Variants in SLC17A9 observed in about 807,000 individuals in gnomAD.
The protein encoded by SLC17A9 is voltage-gated purine nucleotide uniporter SLC17A9.
In SLC17A9, 49 loss-of-function variants were observed where a neutral mutation model predicts 55.0. That is an observed-to-expected ratio of 0.89 (90% CI 0.71 to 1.13). The LOEUF is 1.13. SLC17A9 is among the 50% of genes most tolerant of loss of function. SLC17A9 has a pLI of 0.00. For synonymous variants in SLC17A9, 256 were observed against 247.4 expected (o/e 1.03, Z -0.32); for missense variants, 526 against 569.3 (o/e 0.92, Z 0.77).
In SLC17A9 at chr20:62,964,506, G is replaced by A. The variant is rs192332616; in HGVS notation, c.910+191G>A. 3.4e-3 allele frequency among the ~76,000 whole-genome samples: 525 copies of A among 152,286 alleles called. 4 individuals carry two copies. The highest frequency in any genetic ancestry group is 4.2e-3 in the Non-Finnish European group (288 of 68,002). On this transcript the variant is annotated intron_variant, in intron 8 of 12. Coordinates refer to ENST00000370351, the MANE Select transcript of SLC17A9 (RefSeq NM_022082.4). ...ACTGTGGTGGAGGGTCTGGTCTCACGGTGACTGTGGAGCTCACCCCTGGGG... is the reference window on the plus strand; with the variant it reads ...ACTGTGGTGGAGGGTCTGGTCTCACAGTGACTGTGGAGCTCACCCCTGGGG...
chr20:62,963,688 G>T lies in SLC17A9; in HGVS notation c.822+8G>T. 1 of 1,576,576 alleles carries T rather than the reference G, an allele frequency of 6.3e-7. No individual in the cohort carries two copies. The highest frequency in any genetic ancestry group is 1.2e-5 in the South Asian group (1 of 86,144). On this transcript the variant is annotated splice_region_variant and intron_variant, in intron 7 of 12. Transcript: ENST00000370351. ...ACCTTCCCCGACGCCAAGGTGAGTC[G>T]GGGGCTCCCGCAGGGTGAAGGAGCG...
intron 1 of SLC17A9, among the ~76,000 whole-genome samples, chr20:62,954,352 TCC>T (rs2065517508): frequency 6.6e-6 from 1 of 152,164 alleles, no homozygotes; most frequent in Non-Finnish European, 1.5e-5. Context: ...ACCCACACTC[TCC>T]GGTTTGCTGC....
At chr20:62,954,833 G>A (rs182743017) in intron 1 of SLC17A9, among the ~76,000 whole-genome samples, 23 of 151,924 alleles carry the variant, frequency 1.5e-4, no homozygotes, top group Admixed American at 1.2e-3. Flanking sequence ...GCCCTGGAGT[G>A]GCTCTGTGTT....
At chr20:62,961,345 C>T (rs1217739974) in intron 4 of SLC17A9, among the ~76,000 whole-genome samples, 2 of 147,614 alleles carry the variant, frequency 1.4e-5, no homozygotes, top group Admixed American at 1.3e-4. Context: ...GGCGGCTTGT[C>T]CTCAGGGTGG....
intron 7 of SLC17A9, 123 bp from the exon 8 acceptor site, chr20:62,964,104 TG>T: frequency 1.1e-6 from 1 of 929,036 alleles, no homozygotes; most frequent in Non-Finnish European, 1.7e-6. Flanking sequence ...GGAGCAGGGC[TG>T]GCCCTGCCGG....
intron 10 of SLC17A9, 140 bp downstream of exon 10, chr20:62,965,865 C>G (rs959690684): frequency 3.8e-5 from 29 of 756,260 alleles, no homozygotes; most frequent in Non-Finnish European, 6.3e-5. Flanking sequence ...TGGGCAGTGA[C>G]TGCACTGAAG....
At chr20:62,965,031 C>T (rs2065622654) in intron 8 of SLC17A9, 101 bp from the exon 9 acceptor site, 4 of 1,376,704 alleles carry the variant, frequency 2.9e-6, no homozygotes, top group Non-Finnish European at 4.1e-6. Flanking sequence ...CAAGCCTCTT[C>T]CTCCCCTGCT....
At position 62,956,871 on chromosome 20, in the gene SLC17A9, G is replaced by A. The variant is rs749830259; in HGVS notation, c.166G>A (p.Gly56Ser). 23 of 1,613,574 alleles carry A rather than the reference G, an allele frequency of 1.4e-5. No homozygotes were observed. Among genetic ancestry groups the A allele is most frequent in the South Asian group, 6.6e-5 (6 of 91,088 alleles). Residue 56 changes from glycine (G) to serine (S), a missense_variant, in exon 2 of 13, where the codon GGC becomes AGC. By Grantham distance (56) the Gly-to-Ser change is moderately conservative. Transcript: ENST00000370351. ...CACCGTCTCCATGAGCCAGGACTTC[G>A]GCTGGAACAAGAAGGAGGCCGGCAT... The part of the protein sequence containing the change: ...ICTVSMSQDF[G>S]WNKKEAGIVL...
rs1011800404 is a variant in SLC17A9, at chr20:62,958,603, C to T, written c.397+1023C>T. Among the ~76,000 whole-genome samples, 1 of 152,072 alleles carries T rather than the reference C, an allele frequency of 6.6e-6. No homozygotes were observed. Among genetic ancestry groups the T allele is most frequent in the Middle Eastern group, 3.2e-3 (1 of 316 alleles). ...TGTCCTGGGCCATCCAGACCCCCCA[C>T]TCAGGACTCCCCCTACCTTCCTGAG... On this transcript the variant is annotated intron_variant, in intron 3 of 12. Transcript: ENST00000370351. This position sits in a 1 kb window ranked among gnomAD's most constrained non-coding sequence, Gnocchi z 4.1.
chr20:62,963,042 G>T (rs919561617), intron 5 of SLC17A9: 60 of 632,842 alleles, frequency 9.5e-5, no homozygotes, highest in Middle Eastern at 3.0e-4. Flanking sequence ...GTGGCCAGGG[G>T]GCTCTGGAGG....
rs765469608 is a variant in SLC17A9, at chr20:62,960,537, C to A, written c.431C>A (p.Ser144Ter). ...VYFPALTSLL[S>*]QKVRESERAF... is the part of the protein sequence containing the mutation. ...TTCCCTGCCCTGACCAGCCTGCTGT[C>A]GCAGAAGGTGCGGGAGAGTGAGCGA... Residue 144 changes from serine to a stop codon, truncating the protein, a stop_gained, in exon 4 of 13, where the codon TCG (serine) becomes TAG (stop). Coordinates refer to ENST00000370351, the MANE Select transcript of SLC17A9 (RefSeq NM_022082.4). LOFTEE classifies it high-confidence loss of function. 2.5e-6 allele frequency: 4 copies of A among 1,613,622 alleles called. No individual in the cohort carries two copies. The highest frequency in any genetic ancestry group is 1.7e-5 in the Admixed American group (1 of 60,016).
At position 62,952,746 on chromosome 20, in the gene SLC17A9, C is replaced by A; in HGVS notation, c.-85C>A. ...GCTGGGACTGACACGTGGACTTGGGCGGTGCTGCCCGGGTGGGTCAGCCTG... is the reference window on the plus strand; with the variant it reads ...GCTGGGACTGACACGTGGACTTGGGAGGTGCTGCCCGGGTGGGTCAGCCTG... On this transcript the variant is annotated 5_prime_UTR_variant, in exon 1 of 13. Transcript: ENST00000370351. The A allele has an allele frequency of 7.3e-7, 1 of 1,370,016 alleles. No individual in the cohort carries two copies. Among genetic ancestry groups the A allele is most frequent in the Non-Finnish European group, 9.8e-7 (1 of 1,022,464 alleles). The allele number at this position is 1,370,016 out of a possible 1,614,324, so 84.9% of individuals were successfully genotyped here.
Position 62,957,346 on chromosome 20 carries a change from A to C in SLC17A9, c.258-95A>C, listed in dbSNP as rs528770247. On this transcript the variant is annotated intron_variant, in intron 2 of 12. Coordinates refer to ENST00000370351, the MANE Select transcript of SLC17A9 (RefSeq NM_022082.4). ...CTGTAGAGGCAGACAGGCCAGGCCC[A>C]GCTCTGAGCACCCACTCAAGGGCTG... The C allele has an allele frequency of 7.7e-4, 1,155 of 1,504,896 alleles. 19 individuals carry two copies. The South Asian group carries it at 0.011, about 14-fold the overall frequency. 93.2% of individuals were successfully genotyped at this position (1,504,896 alleles called of 1,614,324 possible).
intron 3 of SLC17A9, among the ~76,000 whole-genome samples, chr20:62,959,262 G>A (rs2065568502): frequency 6.6e-6 from 1 of 152,228 alleles, no homozygotes. Context: ...GCAGCTCTGG[G>A]GACCCAGCAG....
intron 1 of SLC17A9, among the ~76,000 whole-genome samples, chr20:62,954,634 T>G (rs547441835): frequency 1.3e-5 from 2 of 152,150 alleles, no homozygotes; most frequent in Non-Finnish European, 2.9e-5. Context: ...AGGCCTCAGG[T>G]AGCCGACTGT....
chr20:62,956,916 T>C lies in SLC17A9; in HGVS notation c.211T>C (p.Trp71Arg). 1 of 1,613,618 alleles carries C rather than the reference T, an allele frequency of 6.2e-7. No individual in the cohort carries two copies. Among genetic ancestry groups the C allele is most frequent in the Non-Finnish European group, 8.5e-7 (1 of 1,180,014 alleles). ...EAGIVLSSFF[W>R]GYCLTQVVGG... ...CGGCATCGTGCTCAGCAGCTTCTTC[T>C]GGGGCTACTGCCTGACACAGGTTGT... Residue 71 changes from tryptophan (W) to arginine (R), a missense_variant, in exon 2 of 13, where the codon TGG (tryptophan) becomes CGG (arginine). Trp to Arg is a moderately radical substitution (Grantham distance 101, BLOSUM62 -3). Coordinates refer to ENST00000370351, the MANE Select transcript of SLC17A9 (RefSeq NM_022082.4).
rs1224040077 is a variant in SLC17A9, at chr20:62,958,220, G to A, written c.397+640G>A. ...GGTGCACACTCTGCAGTGATACACA[G>A]GATCACAGGGGGCACCTGTGTAGTG... On this transcript the variant is annotated intron_variant, in intron 3 of 12. Transcript: ENST00000370351. The surrounding 1 kb of genome is among the most constrained non-coding windows in gnomAD (Gnocchi z 4.1). Among the ~76,000 whole-genome samples, 1 of 152,176 alleles carries A rather than the reference G, an allele frequency of 6.6e-6. No homozygotes were observed. Among genetic ancestry groups the A allele is most frequent in the Non-Finnish European group, 1.5e-5 (1 of 68,018 alleles).
chr20:62,967,599 G>A lies in SLC17A9; in HGVS notation c.*99G>A. 6 of 1,228,276 alleles carry A rather than the reference G, an allele frequency of 4.9e-6. No individual in the cohort carries two copies. Among genetic ancestry groups the A allele is most frequent in the East Asian group, 6.4e-5 (2 of 31,230 alleles). 76.1% of individuals were successfully genotyped at this position (1,228,276 alleles called of 1,614,324 possible). A position where few individuals can be genotyped will look rare whatever the true frequency, so the allele number is the denominator to read the frequency against. On this transcript the variant is annotated 3_prime_UTR_variant, in exon 13 of 13. Transcript: ENST00000370351. The stretch of plus-strand genomic sequence containing the variant: ...CTTGGTCACTCCATGTCAGACACAC[G>A]AGCAGAGAGGAACACAAACCACTGT...
At chr20:62,967,303 G>C (rs775516876) in intron 12 of SLC17A9, 34 bp from the exon 13 acceptor site, 3 of 1,610,436 alleles carry the variant, frequency 1.9e-6, no homozygotes, top group Non-Finnish European at 2.5e-6. Context: ...GGCTGCCCGG[G>C]AGCACTCAGC....
Sources: allele counts gnomAD v4.1 joint callset (sites outside exome capture counted in the v4.1 genomes callset), GRCh38; gene constraint gnomAD v4.1.1; non-coding constraint Gnocchi (gnomAD v3.1); transcripts MANE v1.5; gene names NCBI Gene and HGNC (gene_info 2026-07-23, HGNC 2026-07-21).